Variants in AGBL1 observed in about 807,000 individuals in gnomAD.
AGBL1 encodes AGBL carboxypeptidase 1, also known as cytosolic carboxypeptidase 4.
In AGBL1, 130 loss-of-function variants were observed where a neutral mutation model predicts 118.9. The ratio of observed to expected loss-of-function variants is 1.09; its 90% confidence interval spans 0.95 to 1.26. The LOEUF (loss-of-function observed/expected upper bound fraction) is 1.26. Among genes scored for constraint, AGBL1 ranks in the 50% most tolerant of loss-of-function variants. The pLI is 0.00. For synonymous variants in AGBL1, 555 were observed against 478.9 expected, an observed-to-expected ratio of 1.16 and a Z score of -2.08; for missense variants, 1,584 against 1,298.1, an observed-to-expected ratio of 1.22 and a Z score of -3.38.
At chr15:86,210,752 G>C (rs1279964462) in intron 5 of AGBL1, among the ~76,000 whole-genome samples, 1 of 152,058 alleles carries the variant, frequency 6.6e-6, no homozygotes, top group African/African-American at 2.4e-5. Flanking sequence ...CCTTGAGATG[G>C]GTTCGAACAT....
chr15:86,625,400 T>TTTTTTC (rs2084872144), intron 21 of AGBL1, among the ~76,000 whole-genome samples: 1 of 130,184 alleles, frequency 7.7e-6, no homozygotes, highest in Non-Finnish European at 1.6e-5. Context: ...TTTTTTTTTT[T>TTTTTTC]ACAAACACAG....
intron 22 of AGBL1, among the ~76,000 whole-genome samples, chr15:86,735,285 C>A (rs1468826087): frequency 6.6e-6 from 1 of 151,882 alleles, no homozygotes; most frequent in Admixed American, 6.6e-5. Flanking sequence ...TTCACCATGT[C>A]GGTCAGGATG....
At chr15:86,820,000 C>A (rs983199554) in intron 22 of AGBL1, among the ~76,000 whole-genome samples, 1 of 152,112 alleles carries the variant, frequency 6.6e-6, no homozygotes, top group African/African-American at 2.4e-5. Flanking sequence ...TATCTACAAC[C>A]ATCTGATCTT....
intron 21 of AGBL1, among the ~76,000 whole-genome samples, chr15:86,642,293 T>C (rs2085204718): frequency 6.6e-6 from 1 of 152,184 alleles, no homozygotes; most frequent in Non-Finnish European, 1.5e-5. Context: ...AATATATCTT[T>C]TACTCAATAG....
At chr15:87,011,054 C>T (rs2081554454) in intron 24 of AGBL1, among the ~76,000 whole-genome samples, 1 of 152,236 alleles carries the variant, frequency 6.6e-6, no homozygotes. Flanking sequence ...TTGTGAACTT[C>T]TCTCATATAT....
intron 23 of AGBL1, among the ~76,000 whole-genome samples, chr15:86,971,441 T>C (rs1443036676): frequency 6.6e-6 from 1 of 152,002 alleles, no homozygotes; most frequent in Non-Finnish European, 1.5e-5. Flanking sequence ...TACCAGTTGA[T>C]ATTAATGCTA....
At chr15:86,375,741 C>T (rs1482349339) in intron 17 of AGBL1, among the ~76,000 whole-genome samples, 2 of 152,192 alleles carry the variant, frequency 1.3e-5, no homozygotes, top group Non-Finnish European at 2.9e-5. Flanking sequence ...AAAATCTGTA[C>T]TTTGCACTGC....
intron 18 of AGBL1, among the ~76,000 whole-genome samples, chr15:86,495,391 CTT>C (rs566971969): frequency 4.5e-5 from 5 of 111,082 alleles, no homozygotes; most frequent in Admixed American, 1.7e-4. Context: ...ATACCTCTAT[CTT>C]TTTTTTAAAA....
intron 22 of AGBL1, among the ~76,000 whole-genome samples, chr15:86,745,918 G>C (rs1198882466): frequency 6.6e-6 from 1 of 152,074 alleles, no homozygotes; most frequent in Non-Finnish European, 1.5e-5. Context: ...ATGGGCACCA[G>C]AGCACATCTG....
chr15:86,303,624 A>G (rs2079790154), intron 17 of AGBL1, among the ~76,000 whole-genome samples: 1 of 152,170 alleles, frequency 6.6e-6, no homozygotes, highest in East Asian at 1.9e-4. Flanking sequence ...GCTATAAAAT[A>G]TACTCTATTT....
chr15:86,629,320 A>T (rs886902226), intron 21 of AGBL1, among the ~76,000 whole-genome samples: 1 of 152,178 alleles, frequency 6.6e-6, no homozygotes, highest in Middle Eastern at 3.2e-3. Flanking sequence ...TGGCAAATTC[A>T]TGTTTGCTGG....
At chr15:86,436,084 CCT>C (rs1302033488) in intron 18 of AGBL1, among the ~76,000 whole-genome samples, 1 of 128,794 alleles carries the variant, frequency 7.8e-6, no homozygotes, top group Admixed American at 8.6e-5. Context: ...CAATCCCTTT[CCT>C]CTCTTTTTTT....
chr15:86,902,776 C>G (rs923732905), intron 22 of AGBL1, among the ~76,000 whole-genome samples: 1 of 152,144 alleles, frequency 6.6e-6, no homozygotes, highest in Non-Finnish European at 1.5e-5. Flanking sequence ...TGCTGCCATT[C>G]TAATTGCTTT....
At position 86,225,823 on chromosome 15, in the gene AGBL1, A is replaced by C. The variant is rs139576542; in HGVS notation, c.526+872A>C. Among the ~76,000 whole-genome samples the C allele has an allele frequency of 8.9e-4, 135 of 152,316 alleles. 1 individual carries two copies. The highest frequency in any genetic ancestry group is 2.9e-3 in the African/African-American group (121 of 41,588). The stretch of plus-strand genomic sequence containing the variant: ...AATAAAACTTTTAAATAAATAAATA[A>C]AAATAAAAACACTCTCTCCCCCCAT... On this transcript the variant is annotated intron_variant, in intron 6 of 22. Transcript: ENST00000614907.
rs921040945 is a variant in AGBL1 at position 86,290,347 on chromosome 15, T to C, written c.2221-4908T>C. Among the ~76,000 whole-genome samples, 30 of 94,010 alleles carry C rather than the reference T, an allele frequency of 3.2e-4. No homozygotes were observed. The South Asian group carries it at 5.4e-3, about 17-fold the overall frequency. The allele number at this position is 94,010 out of a possible 152,430, so 61.7% of individuals were successfully genotyped here. A position where few individuals can be genotyped will look rare whatever the true frequency, so the allele number is the denominator to read the frequency against. On this transcript the variant is annotated intron_variant, in intron 16 of 22. Transcript: ENST00000614907. ...CTTCAAGTCCTTCTTTTCTTTCTTT[T>C]TTTTTTTTTTTTTCTATTTTTAAGA...
intron 21 of AGBL1, among the ~76,000 whole-genome samples, chr15:86,557,938 GA>G (rs1176470265): frequency 3.9e-5 from 6 of 152,072 alleles, no homozygotes; most frequent in Non-Finnish European, 5.9e-5. Flanking sequence ...ATGCCATTCT[GA>G]AATGGAGATA....
intron 17 of AGBL1, among the ~76,000 whole-genome samples, chr15:86,346,090 C>T (rs1015894978): frequency 1.3e-5 from 2 of 151,258 alleles, no homozygotes; most frequent in East Asian, 3.9e-4. Context: ...TCAAATGATT[C>T]TCCTGCCTCA....
chr15:86,550,053 C>T (rs952356713), intron 20 of AGBL1, among the ~76,000 whole-genome samples: 4 of 151,656 alleles, frequency 2.6e-5, no homozygotes, highest in African/African-American at 9.7e-5. Context: ...TTATTCAATT[C>T]AAAGAACAGA....
At chr15:86,457,349 T>A (rs1049184837) in intron 18 of AGBL1, among the ~76,000 whole-genome samples, 2 of 152,140 alleles carry the variant, frequency 1.3e-5, no homozygotes, top group Non-Finnish European at 2.9e-5. Flanking sequence ...AATTTTTCCC[T>A]CTAGTAAAGA....
Sources: gnomAD v4.1 joint callset for allele counts (sites outside exome capture counted in the v4.1 genomes callset) on GRCh38, gnomAD v4.1.1 for gene constraint, MANE v1.5 for transcripts, NCBI Gene and HGNC (gene_info 2026-07-23, HGNC 2026-07-21) for gene names.